NEMP2: variants seen among roughly 807,000 people sequenced by gnomAD.
NEMP2 encodes the protein nuclear envelope integral membrane protein 2, also known as UPF0571 transmembrane protein.
In NEMP2, 53 loss-of-function variants were observed where a neutral mutation model predicts 54.2. The observed-to-expected ratio is 0.98, with a 90% CI of 0.78 to 1.23. The LOEUF is 1.23. Among genes scored for constraint, NEMP2 ranks in the 50% most tolerant of loss-of-function variants. The pLI is 0.00. For missense variants in NEMP2, 455 were observed against 511.3 expected, an observed-to-expected ratio of 0.89 and a Z score of 1.06; for synonymous variants, 197 against 190.3, an observed-to-expected ratio of 1.04 and a Z score of -0.29.
At chr2:190,476,207 C>T in the NEMP2 span, among the ~76,000 whole-genome samples, 11 of 152,098 alleles carry the variant, frequency 7.2e-5, no homozygotes, top group Admixed American at 2.6e-4. Flanking sequence ...CCAAAATTGA[C>T]AAATGGGATC....
At chr2:190,567,900 G>C in the NEMP2 span, among the ~76,000 whole-genome samples, 8 of 152,118 alleles carry the variant, frequency 5.3e-5, no homozygotes, top group Admixed American at 5.2e-4. The surrounding 1 kb of genome is among the most constrained non-coding windows in gnomAD (Gnocchi z 4.0). Context: ...GCCCGCCTTG[G>C]TCCCCCAAAG....
At chr2:190,437,427 C>T in the NEMP2 span, 1 of 1,614,240 alleles carries the variant, frequency 6.2e-7, no homozygotes, top group South Asian at 1.1e-5. The surrounding 1 kb of genome is among the most constrained non-coding windows in gnomAD (Gnocchi z 5.9). Flanking sequence ...TCGTGTTCAC[C>T]TTTCTCTACT....
chr2:190,457,024 G>A, the NEMP2 span, among the ~76,000 whole-genome samples: 21 of 152,212 alleles, frequency 1.4e-4, no homozygotes, highest in South Asian at 8.3e-4. This position sits in a 1 kb window ranked among gnomAD's most constrained non-coding sequence, Gnocchi z 5.1. Context: ...CTTAATCCGC[G>A]CGCACAGCTG....
chr2:190,577,872 TAAAAACAAAAAC>T, the NEMP2 span, among the ~76,000 whole-genome samples: 2 of 151,992 alleles, frequency 1.3e-5, no homozygotes, highest in African/African-American at 2.4e-5. This position sits in a 1 kb window ranked among gnomAD's most constrained non-coding sequence, Gnocchi z 4.8. Context: ...GACTCCATCT[TAAAAACAAAAAC>T]AAAAACAAAA....
the NEMP2 span, among the ~76,000 whole-genome samples, chr2:190,569,316 A>G: frequency 5.9e-5 from 9 of 152,244 alleles, no homozygotes; most frequent in Admixed American, 2.0e-4. Context: ...TTTGGGGAGC[A>G]GGACAGGAGT....
chr2:190,580,178 T>C, the NEMP2 span, among the ~76,000 whole-genome samples: 9 of 152,212 alleles, frequency 5.9e-5, no homozygotes, highest in East Asian at 1.7e-3. This position sits in a 1 kb window ranked among gnomAD's most constrained non-coding sequence, Gnocchi z 5.3. Context: ...AGGCTGTAGG[T>C]GAAAGCAGAT....
At chr2:190,535,765 C>A (rs545261281), upstream of NEMP2, 9 of 152,310 alleles carry the variant, frequency 5.9e-5, no homozygotes, top group South Asian at 1.9e-3. Flanking sequence ...TAAGAAATTT[C>A]CTTGTAAGGG....
At chr2:190,579,157 T>G in the NEMP2 span, among the ~76,000 whole-genome samples, 3 of 152,276 alleles carry the variant, frequency 2.0e-5, no homozygotes, top group South Asian at 6.2e-4. Flanking sequence ...TGATGGCCTT[T>G]GAAACCCTAC....
At chr2:190,545,180 A>G in the NEMP2 span, among the ~76,000 whole-genome samples, 1 of 152,212 alleles carries the variant, frequency 6.6e-6, no homozygotes, top group Non-Finnish European at 1.5e-5. Flanking sequence ...GGATTACACT[A>G]TAAATAAAAT....
chr2:190,619,429 G>C, the NEMP2 span, among the ~76,000 whole-genome samples: 18 of 152,072 alleles, frequency 1.2e-4, no homozygotes, highest in African/African-American at 4.3e-4. The surrounding 1 kb of genome is among the most constrained non-coding windows in gnomAD (Gnocchi z 5.5). Flanking sequence ...GAGTCCAGGA[G>C]TTTGAGGTTG....
chr2:190,519,657 T>G lies in NEMP2; in HGVS notation c.214-474A>C, dbSNP rs1690687341. Reference sequence around the variant, plus strand: ...AGAGGTGGACTCAAGAGATCTGTATTTAGTCCAAACACACGCTGAACCACA... The same window carrying G: ...AGAGGTGGACTCAAGAGATCTGTATGTAGTCCAAACACACGCTGAACCACA... On this transcript the variant is annotated intron_variant, in intron 2 of 8. Transcript: ENST00000409150. This position sits in a 1 kb window ranked among gnomAD's most constrained non-coding sequence, Gnocchi z 5.4. Among the ~76,000 whole-genome samples the G allele has an allele frequency of 1.3e-5, 2 of 152,222 alleles. No homozygotes were observed. Among genetic ancestry groups the G allele is most frequent in the Admixed American group, 1.3e-4 (2 of 15,286 alleles).
the NEMP2 span, among the ~76,000 whole-genome samples, chr2:190,554,119 C>A: frequency 6.6e-6 from 1 of 152,170 alleles, no homozygotes; most frequent in Non-Finnish European, 1.5e-5. The surrounding 1 kb of genome is among the most constrained non-coding windows in gnomAD (Gnocchi z 5.7). Flanking sequence ...CCATGCACTC[C>A]GGCCCAGATA....
At chr2:190,459,420 G>T in the NEMP2 span, among the ~76,000 whole-genome samples, 31 of 152,276 alleles carry the variant, frequency 2.0e-4, no homozygotes, top group Non-Finnish European at 3.7e-4. This position sits in a 1 kb window ranked among gnomAD's most constrained non-coding sequence, Gnocchi z 5.3. Context: ...TATAGTGTTT[G>T]TGTCATATGT....
At chr2:190,608,758 A>G in the NEMP2 span, 1 of 152,258 alleles carries the variant, frequency 6.6e-6, no homozygotes, top group Non-Finnish European at 1.5e-5. The surrounding 1 kb of genome is among the most constrained non-coding windows in gnomAD (Gnocchi z 4.9). Context: ...ACAGGAATAC[A>G]GAACAATGGG....
At chr2:190,457,820 G>A in the NEMP2 span, among the ~76,000 whole-genome samples, 20 of 152,160 alleles carry the variant, frequency 1.3e-4, no homozygotes, top group Admixed American at 3.9e-4. The surrounding 1 kb of genome is among the most constrained non-coding windows in gnomAD (Gnocchi z 5.1). Context: ...TGCCCTGGAT[G>A]CCACCACCTT....
chr2:190,607,217 G>C, the NEMP2 span, among the ~76,000 whole-genome samples: 1 of 152,186 alleles, frequency 6.6e-6, no homozygotes, highest in African/African-American at 2.4e-5. This position sits in a 1 kb window ranked among gnomAD's most constrained non-coding sequence, Gnocchi z 5.2. Flanking sequence ...TAAATGACAA[G>C]TCATTTGGTT....
chr2:190,572,512 G>T, the NEMP2 span, among the ~76,000 whole-genome samples: 1 of 152,060 alleles, frequency 6.6e-6, no homozygotes, highest in Admixed American at 6.5e-5. Context: ...GTCCATAGCT[G>T]GGCATCCCTG....
At chr2:190,464,064 T>C in the NEMP2 span, among the ~76,000 whole-genome samples, 1 of 152,120 alleles carries the variant, frequency 6.6e-6, no homozygotes, top group African/African-American at 2.4e-5. Context: ...GTCTGAAACA[T>C]TGCTTTTTGA....
chr2:190,468,684 CT>C, the NEMP2 span, among the ~76,000 whole-genome samples: 1 of 147,566 alleles, frequency 6.8e-6, no homozygotes, highest in Non-Finnish European at 1.5e-5. Context: ...GTCTTGAACT[CT>C]TGGGCGCAAG....
Sources: allele counts gnomAD v4.1 joint callset (sites outside exome capture counted in the v4.1 genomes callset), GRCh38; gene constraint gnomAD v4.1.1; non-coding constraint Gnocchi (gnomAD v3.1); transcripts MANE v1.5; gene names NCBI Gene and HGNC (gene_info 2026-07-23, HGNC 2026-07-21).